CUX1: variants seen among roughly 807,000 people sequenced by gnomAD.
The protein encoded by CUX1 is protein CASP.
A neutral mutation model predicts 158.8 loss-of-function variants in CUX1; 31 were observed. The ratio of observed to expected loss-of-function variants is 0.20; its 90% confidence interval spans 0.15 to 0.26. The LOEUF is 0.26. Among genes scored for constraint, CUX1 ranks in the 10% least tolerant of loss-of-function variants. The probability of loss-of-function intolerance (pLI) is 1.00; values close to 1 mark genes in which losing one functional copy is unlikely to be tolerated. For synonymous variants in CUX1, 879 were observed against 862.1 expected (o/e 1.02, Z -0.34); for missense variants, 1,589 against 2,014.6 (o/e 0.79, Z 4.04).
chr7:101,887,549 T>C (rs750228456), intron 1 of CUX1, among the ~76,000 whole-genome samples: 36 of 152,072 alleles, frequency 2.4e-4, no homozygotes, highest in Non-Finnish European at 1.5e-4. Flanking sequence ...CCTCAGGTGA[T>C]CCTCCTGCCT....
At chr7:102,274,776 C>T (rs782518473) in intron 16 of CUX1, among the ~76,000 whole-genome samples, 7 of 152,340 alleles carry the variant, frequency 4.6e-5, no homozygotes, top group Middle Eastern at 3.4e-3. Flanking sequence ...GCCGGAGGTC[C>T]GTGCAGTGAG....
intron 1 of CUX1, among the ~76,000 whole-genome samples, chr7:101,852,481 C>T (rs941355273): frequency 2.0e-5 from 3 of 151,658 alleles, no homozygotes; most frequent in African/African-American, 4.8e-5. Context: ...AGCTGGGCAT[C>T]GTGGCACACA....
chr7:102,083,287 T>C (rs997300816), intron 4 of CUX1, among the ~76,000 whole-genome samples: 5 of 147,300 alleles, frequency 3.4e-5, no homozygotes, highest in Non-Finnish European at 7.7e-5. Flanking sequence ...TAGATTTTTA[T>C]TTATAAAGGT....
At chr7:101,880,400 C>T (rs1180287665) in intron 1 of CUX1, among the ~76,000 whole-genome samples, 4 of 152,112 alleles carry the variant, frequency 2.6e-5, no homozygotes, top group East Asian at 1.9e-4. Context: ...CCTTATCACC[C>T]GTTCCCCAGA....
rs1440739355 is a variant in CUX1, at chr7:102,028,229, G to T, written c.189+84G>T. The stretch of plus-strand genomic sequence containing the variant: ...TATTCACATTAAAGAAATGCTCCGG[G>T]CAAAAGGTGCTGCCCAGATGGTGCC... On this transcript the variant is annotated intron_variant, in intron 3 of 23. Transcript: ENST00000292535. 13 of 1,437,856 alleles carry T rather than the reference G, an allele frequency of 9.0e-6. No individual in the cohort carries two copies. The African/African-American group carries it at 1.7e-4, about 19-fold the overall frequency. The allele number at this position is 1,437,856 out of a possible 1,614,324, so 89.1% of individuals were successfully genotyped here.
chr7:101,831,669 G>A (rs1237929795), intron 1 of CUX1, among the ~76,000 whole-genome samples: 1 of 151,976 alleles, frequency 6.6e-6, no homozygotes, highest in Non-Finnish European at 1.5e-5. Context: ...GGAACAGACG[G>A]AGCAGGACTG....
chr7:101,899,446 G>A (rs1049712036), intron 1 of CUX1, among the ~76,000 whole-genome samples: 3 of 152,158 alleles, frequency 2.0e-5, no homozygotes, highest in African/African-American at 7.2e-5. Flanking sequence ...CAGCTACTCG[G>A]GAGGCTGAGA....
chr7:101,871,950 G>A (rs1798600958), intron 1 of CUX1, among the ~76,000 whole-genome samples: 1 of 151,604 alleles, frequency 6.6e-6, no homozygotes, highest in South Asian at 2.1e-4. Context: ...CCCCGGAAGT[G>A]GAGGTTGCAG....
chr7:101,900,837 G>T (rs10271610), intron 1 of CUX1, among the ~76,000 whole-genome samples: 32,629 of 152,086 alleles, frequency 0.21, 5,263 homozygotes, highest in East Asian at 0.84. Context: ...TTAACTTGCA[G>T]GATCCTTCTC....
chr7:102,236,449 T>G (rs2132460482), intron 22 of CUX1, among the ~76,000 whole-genome samples: 1 of 152,210 alleles, frequency 6.6e-6, no homozygotes, highest in East Asian at 1.9e-4. Context: ...GTTTTGTTTT[T>G]TGTTTTTTGT....
intron 2 of CUX1, among the ~76,000 whole-genome samples, chr7:101,968,316 G>A (rs1811478812): frequency 6.6e-6 from 1 of 152,224 alleles, no homozygotes; most frequent in Non-Finnish European, 1.5e-5. Flanking sequence ...AAGAGGTTGA[G>A]TCTGGGGTCC....
intron 1 of CUX1, among the ~76,000 whole-genome samples, chr7:101,836,682 C>G (rs1310312092): frequency 1.4e-4 from 11 of 77,284 alleles, no homozygotes; most frequent in Admixed American, 1.3e-3. Flanking sequence ...GAGACTCCTT[C>G]TCAAAAAAAA....
rs139428669 is a variant in CUX1, at chr7:102,254,064, G to A, written c.*5022G>A. ...CGAACATCCCTCTGCCTGGTGGGCC[G>A]GCTTTGTGTGTCTCTCCTTTTGTGA... is the stretch of plus-strand genomic sequence containing the variant. On this transcript the variant is annotated 3_prime_UTR_variant, in exon 24 of 24. Transcript: ENST00000292535. 3.8e-4 allele frequency: 370 copies of A among 985,504 alleles called. 2 individuals are homozygous for A. In the African/African-American group the frequency reaches 6.0e-3, roughly 16 times the overall value. The allele number at this position is 985,504 out of a possible 1,614,324, so 61.0% of individuals were successfully genotyped here. A position where few individuals can be genotyped will look rare whatever the true frequency, so the allele number is the denominator to read the frequency against.
intron 1 of CUX1, among the ~76,000 whole-genome samples, chr7:101,887,843 ATTTTTTTT>A (rs554136468): frequency 6.5e-5 from 5 of 76,958 alleles, no homozygotes; most frequent in African/African-American, 2.9e-4. Flanking sequence ...TGACGGTGAC[ATTTTTTTT>A]TTTTTTTTTT....
intron 4 of CUX1, among the ~76,000 whole-genome samples, chr7:102,080,170 C>T (rs569345581): frequency 3.3e-5 from 5 of 152,284 alleles, no homozygotes; most frequent in South Asian, 4.1e-4. Flanking sequence ...CATCCTCCCC[C>T]GGTCCCTCGA....
chr7:102,047,637 A>G (rs1353758278), intron 3 of CUX1, among the ~76,000 whole-genome samples: 1 of 152,130 alleles, frequency 6.6e-6, no homozygotes, highest in African/African-American at 2.4e-5. Context: ...TGTGTCTGTA[A>G]GAATAGATTG....
chr7:102,047,516 G>A (rs79710625), intron 3 of CUX1, among the ~76,000 whole-genome samples: 1,562 of 149,610 alleles, frequency 0.01, 30 homozygotes, highest in African/African-American at 0.037. Context: ...GGGAAGGAGG[G>A]AGGGAGAGAT....
chr7:101,983,037 A>G (rs1481461778), intron 2 of CUX1, among the ~76,000 whole-genome samples: 1 of 151,916 alleles, frequency 6.6e-6, no homozygotes, highest in Non-Finnish European at 1.5e-5. Flanking sequence ...CTAGTCATTC[A>G]TTCATTCACC....
In CUX1 at chr7:101,869,588, C is replaced by CA. The variant is rs1369305914; in HGVS notation, c.31-46526dup. On this transcript the variant is annotated intron_variant, in intron 1 of 23. Coordinates refer to ENST00000292535, the MANE Select transcript of CUX1 (RefSeq NM_181552.4). The surrounding 1 kb of genome is among the most constrained non-coding windows in gnomAD (Gnocchi z 4.5). ...TGGTGGGGCGGGGGAGGGAAACCAG[C>CA]ACGTTAGAAGGTCAGCCAAGGTCAG... Among the ~76,000 whole-genome samples the CA allele has an allele frequency of 3.3e-5, 5 of 152,046 alleles. No individual in the cohort carries two copies. The highest frequency in any genetic ancestry group is 5.9e-5 in the Non-Finnish European group (4 of 67,988).
Sources: gnomAD v4.1 joint callset for allele counts (sites outside exome capture counted in the v4.1 genomes callset) on GRCh38, gnomAD v4.1.1 for gene constraint, Gnocchi (gnomAD v3.1) non-coding constraint, MANE v1.5 for transcripts, NCBI Gene and HGNC (gene_info 2026-07-23, HGNC 2026-07-21) for gene names.